Variants in SLC35D1 observed in about 807,000 individuals in gnomAD.
The protein encoded by SLC35D1 is nucleotide sugar transporter SLC35D1.
A neutral mutation model predicts 46.7 loss-of-function variants in SLC35D1; 31 were observed. The observed-to-expected ratio is 0.66, with a 90% CI of 0.50 to 0.90. The LOEUF is 0.90. SLC35D1 is among the 40% of genes least tolerant of loss of function. SLC35D1 has a pLI of 0.00. For synonymous variants in SLC35D1, 195 were observed against 164.6 expected (o/e 1.18, Z -1.41); for missense variants, 397 against 426.2 (o/e 0.93, Z 0.60).
chr1:66,984,556 A>G, the SLC35D1 span: 1 of 1,535,382 alleles, frequency 6.5e-7, no homozygotes, highest in Non-Finnish European at 8.8e-7. Flanking sequence ...TTTCATTTAT[A>G]TTTCTTTCAA....
chr1:66,986,958 T>C, the SLC35D1 span: 1 of 152,428 alleles, frequency 6.6e-6, no homozygotes, highest in Non-Finnish European at 1.5e-5. Context: ...GGAGATGCCA[T>C]TTTCACCTTT....
chr1:67,040,641 T>C (rs1262956442), intron 8 of SLC35D1, among the ~76,000 whole-genome samples: 1 of 152,154 alleles, frequency 6.6e-6, no homozygotes, highest in East Asian at 1.9e-4. Flanking sequence ...TCCGCATTCT[T>C]CAAGGCCCAC....
chr1:67,047,442 T>C (rs1001435256), intron 6 of SLC35D1, 75 bp from the exon 7 acceptor site: 5 of 1,207,286 alleles, frequency 4.1e-6, no homozygotes, highest in East Asian at 2.5e-5. Flanking sequence ...TAAGCTAAAA[T>C]ATTTACAAGA....
At chr1:67,053,746 G>A in intron 1 of SLC35D1, 65 bp downstream of exon 1, 2 of 1,373,552 alleles carry the variant, frequency 1.5e-6, no homozygotes, top group Non-Finnish European at 1.9e-6. Flanking sequence ...CAGGGAGCCG[G>A]CGCCGCGCCG....
Position 67,021,581 on chromosome 1 carries a change from C to T in SLC35D1, c.751G>A (p.Ala251Thr), listed in dbSNP as rs1349107856. 4.3e-6 allele frequency: 7 copies of T among 1,613,808 alleles called. No homozygotes were observed. Among genetic ancestry groups the T allele is most frequent in the African/African-American group, 1.3e-5 (1 of 74,874 alleles). Residue 251 changes from alanine to threonine, a missense_variant, in exon 9 of 12, where the codon GCT (alanine) becomes ACT (threonine). Coordinates refer to ENST00000235345, the MANE Select transcript of SLC35D1 (RefSeq NM_015139.3). The part of the protein sequence containing the change: ...AQKAVEFEGW[A>T]DTLFLLQFTL... ...AACTGCAGAAGAAAGAGGGTGTCAG[C>T]CCAGCCTTCAAACTCCACAGCCTGC...
the SLC35D1 span, among the ~76,000 whole-genome samples, chr1:66,981,278 G>C: frequency 2.6e-5 from 4 of 152,174 alleles, no homozygotes; most frequent in African/African-American, 9.7e-5. Flanking sequence ...CAGGAATTTA[G>C]TTAGCATCTT....
chr1:67,004,049 T>C lies in SLC35D1; in HGVS notation c.*291A>G. The C allele has an allele frequency of 2.9e-6, 1 of 344,410 alleles. No individual in the cohort carries two copies. Among genetic ancestry groups the C allele is most frequent in the South Asian group, 2.8e-5 (1 of 35,794 alleles). 21.3% of individuals were successfully genotyped at this position (344,410 alleles called of 1,614,324 possible). Reference sequence around the variant, plus strand: ...TATCAAATTATGAAATAAAATACTTTCAAAACACTGATGTTTCACTGTCGG... The same window carrying C: ...TATCAAATTATGAAATAAAATACTTCCAAAACACTGATGTTTCACTGTCGG... On this transcript the variant is annotated 3_prime_UTR_variant, in exon 12 of 12. Coordinates refer to ENST00000235345, the MANE Select transcript of SLC35D1 (RefSeq NM_015139.3).
intron 10 of SLC35D1, among the ~76,000 whole-genome samples, chr1:67,010,477 A>G (rs1463309276): frequency 6.6e-6 from 1 of 152,210 alleles, no homozygotes; most frequent in African/African-American, 2.4e-5. Flanking sequence ...ACCTAAAATC[A>G]CTTCTGACAC....
intron 10 of SLC35D1, among the ~76,000 whole-genome samples, chr1:67,019,507 T>A (rs994475604): frequency 6.6e-6 from 1 of 152,190 alleles, no homozygotes; most frequent in Non-Finnish European, 1.5e-5. Flanking sequence ...GTCTCTAAAC[T>A]GAGATCAGGT....
At chr1:66,997,453 T>A (rs950211097), downstream of SLC35D1, among the ~76,000 whole-genome samples, 1 of 145,016 alleles carries the variant, frequency 6.9e-6, no homozygotes. Context: ...CAGTGAGCTG[T>A]GATCATGCCA....
rs1447837482 is a variant in SLC35D1 at position 66,999,730 on chromosome 1, C to T, written c.*4610G>A. 4 of 150,630 alleles carry T rather than the reference C, an allele frequency of 2.7e-5. No individual in the cohort carries two copies. Among genetic ancestry groups the T allele is most frequent in the Non-Finnish European group, 5.9e-5 (4 of 67,772 alleles). The allele number at this position is 150,630 out of a possible 1,614,324, so 9.3% of individuals were successfully genotyped here. A position where few individuals can be genotyped will look rare whatever the true frequency, so the allele number is the denominator to read the frequency against. On this transcript the variant is annotated 3_prime_UTR_variant, in exon 12 of 12. Coordinates refer to ENST00000235345, the MANE Select transcript of SLC35D1 (RefSeq NM_015139.3). ...CAACACTGTAAACTATATCCTCATG[C>T]CATGAAGCAGCATCCTGAAAGTAAG...
chr1:67,029,570 G>C (rs1448599858), intron 8 of SLC35D1, among the ~76,000 whole-genome samples: 1 of 152,170 alleles, frequency 6.6e-6, no homozygotes, highest in Non-Finnish European at 1.5e-5. Context: ...CATGCACTTA[G>C]AAGTGCTAAG....
At chr1:66,974,437 TTG>T in the SLC35D1 span, among the ~76,000 whole-genome samples, 223 of 149,118 alleles carry the variant, frequency 1.5e-3, 1 homozygote, top group African/African-American at 5.2e-3. Context: ...TTTTTTTTTG[TTG>T]TTGTTGTTGT....
chr1:67,033,632 A>C (rs1370293932), intron 8 of SLC35D1, among the ~76,000 whole-genome samples: 1 of 151,978 alleles, frequency 6.6e-6, no homozygotes, highest in Non-Finnish European at 1.5e-5. Flanking sequence ...ATTTTCTCCC[A>C]TTCTGTGGGT....
At chr1:67,044,062 G>A (rs1645223951) in intron 7 of SLC35D1, among the ~76,000 whole-genome samples, 1 of 152,218 alleles carries the variant, frequency 6.6e-6, no homozygotes, top group African/African-American at 2.4e-5. Context: ...TAGGCTGGGT[G>A]CAGTGGCTCA....
At chr1:66,988,395 C>G in the SLC35D1 span, 1 of 152,066 alleles carries the variant, frequency 6.6e-6, no homozygotes, top group Non-Finnish European at 1.5e-5. Context: ...TCCATCCACC[C>G]ACTTACAGAC....
chr1:66,998,246 TG>T (rs1242833796), downstream of SLC35D1, among the ~76,000 whole-genome samples: 11 of 152,254 alleles, frequency 7.2e-5, no homozygotes, highest in Non-Finnish European at 1.3e-4. Context: ...TCCAACACTT[TG>T]GGAGTCGGAG....
chr1:66,985,410 A>T, the SLC35D1 span: 1 of 983,514 alleles, frequency 1.0e-6, no homozygotes, highest in Non-Finnish European at 1.2e-6. Flanking sequence ...GGAAACCCTT[A>T]CGAATCCTGA....
intron 10 of SLC35D1, among the ~76,000 whole-genome samples, chr1:67,017,121 TAA>T (rs1388794791): frequency 6.6e-6 from 1 of 152,156 alleles, no homozygotes; most frequent in African/African-American, 2.4e-5. Flanking sequence ...AAAGTTCCAA[TAA>T]AACTAATCTA....
Sources: allele counts gnomAD v4.1 joint callset (sites outside exome capture counted in the v4.1 genomes callset), GRCh38; gene constraint gnomAD v4.1.1; transcripts MANE v1.5; gene names NCBI Gene and HGNC (gene_info 2026-07-23, HGNC 2026-07-21).